CCSER1: variants seen among roughly 807,000 people sequenced by gnomAD.
CCSER1 encodes serine-rich coiled-coil domain-containing protein 1.
Under a neutral mutation model 82.0 loss-of-function variants are expected in CCSER1, and 41 were observed. That is an observed-to-expected ratio of 0.50 (90% CI 0.39 to 0.65). CCSER1 has a LOEUF of 0.65. Among genes scored for constraint, CCSER1 ranks in the 30% least tolerant of loss-of-function variants. The pLI is 0.00. For missense variants in CCSER1, 1,119 were observed against 1,064.2 expected (o/e 1.05, Z -0.72); for synonymous variants, 414 against 383.9 (o/e 1.08, Z -0.92).
intron 1 of CCSER1, among the ~76,000 whole-genome samples, chr4:90,294,339 C>T (rs888809559): frequency 2.0e-4 from 30 of 151,684 alleles, no homozygotes; most frequent in African/African-American, 7.0e-4. Context: ...AGCGAGACCC[C>T]GTTCTCCATA....
At chr4:90,536,807 A>G (rs899499134) in intron 5 of CCSER1, among the ~76,000 whole-genome samples, 7 of 152,138 alleles carry the variant, frequency 4.6e-5, no homozygotes, top group African/African-American at 1.2e-4. Context: ...GCTACCTTAC[A>G]TGGTTATTGT....
chr4:91,350,662 A>G (rs1198121811), intron 10 of CCSER1, among the ~76,000 whole-genome samples: 1 of 152,106 alleles, frequency 6.6e-6, no homozygotes, highest in African/African-American at 2.4e-5. Context: ...TGACTGCAGA[A>G]CGTTGATAGT....
At position 90,850,473 on chromosome 4, in the gene CCSER1, C is replaced by T. The variant is rs552414356; in HGVS notation, c.2094+34628C>T. Among the ~76,000 whole-genome samples, 253 of 152,340 alleles carry T rather than the reference C, an allele frequency of 1.7e-3. 1 individual carries two copies. Among genetic ancestry groups the T allele is most frequent in the Middle Eastern group, 6.8e-3 (2 of 294 alleles). On this transcript the variant is annotated intron_variant, in intron 8 of 10. Coordinates refer to ENST00000509176, the MANE Select transcript of CCSER1 (RefSeq NM_001145065.2). ...CCTTTATCCTGCAAATCTACAGGGG[C>T]GGAGCTGCCCAAGGCCATGGGAGCC...
intron 7 of CCSER1, chr4:90,780,500 A>G: frequency 3.7e-6 from 6 of 1,612,038 alleles, no homozygotes; most frequent in Non-Finnish European, 4.2e-6. Flanking sequence ...ATTGGGGTTC[A>G]GGAGGCCTAG....
intron 10 of CCSER1, among the ~76,000 whole-genome samples, chr4:91,595,095 G>A (rs1764504088): frequency 6.6e-6 from 1 of 150,830 alleles, no homozygotes; most frequent in African/African-American, 2.4e-5. Flanking sequence ...CAATACTATA[G>A]CCCTTCCCAG....
chr4:90,762,592 TA>T (rs1406773921), intron 7 of CCSER1, among the ~76,000 whole-genome samples: 6 of 152,140 alleles, frequency 3.9e-5, no homozygotes, highest in African/African-American at 1.4e-4. Flanking sequence ...CACTTACAAA[TA>T]AAACTTTGAT....
chr4:91,449,062 C>T (rs1202157367), intron 10 of CCSER1, among the ~76,000 whole-genome samples: 1 of 151,852 alleles, frequency 6.6e-6, no homozygotes, highest in Non-Finnish European at 1.5e-5. Flanking sequence ...AGGGAGTGGG[C>T]CATGTAGAAA....
intron 10 of CCSER1, among the ~76,000 whole-genome samples, chr4:91,151,261 G>C (rs977424068): frequency 6.6e-6 from 1 of 152,080 alleles, no homozygotes; most frequent in Non-Finnish European, 1.5e-5. Flanking sequence ...TTGCATAGAG[G>C]TGCTTATAGT....
chr4:90,485,227 C>A (rs549525717), intron 5 of CCSER1, among the ~76,000 whole-genome samples: 1 of 152,158 alleles, frequency 6.6e-6, no homozygotes, highest in Non-Finnish European at 1.5e-5. Context: ...GTTGGAAGAG[C>A]GCAGTATTAG....
intron 5 of CCSER1, among the ~76,000 whole-genome samples, chr4:90,521,743 T>A (rs1375881881): frequency 6.6e-6 from 1 of 152,158 alleles, no homozygotes; most frequent in Non-Finnish European, 1.5e-5. Context: ...AACTACTGAC[T>A]TATTTTCTTT....
chr4:90,474,399 A>G (rs1013936819), intron 5 of CCSER1, among the ~76,000 whole-genome samples: 4 of 152,202 alleles, frequency 2.6e-5, no homozygotes, highest in African/African-American at 9.6e-5. Context: ...AAGCCAAATC[A>G]TGTTAGCAGG....
intron 9 of CCSER1, among the ~76,000 whole-genome samples, chr4:91,009,309 C>A (rs553538480): frequency 1.3e-5 from 2 of 152,330 alleles, no homozygotes; most frequent in Admixed American, 1.3e-4. Context: ...ATATCCCGAT[C>A]ATTGTCCCTC....
chr4:91,333,269 A>G (rs886079706), intron 10 of CCSER1, among the ~76,000 whole-genome samples: 1 of 152,028 alleles, frequency 6.6e-6, no homozygotes, highest in African/African-American at 2.4e-5. Flanking sequence ...AGACAAAATG[A>G]CTTGTTTATC....
chr4:90,926,832 T>C (rs1388379891), intron 9 of CCSER1, among the ~76,000 whole-genome samples: 3 of 152,028 alleles, frequency 2.0e-5, no homozygotes. Flanking sequence ...CAAAGAATAA[T>C]TTCTTAGGTG....
At chr4:90,962,812 T>C (rs1734178548) in intron 9 of CCSER1, among the ~76,000 whole-genome samples, 2 of 152,144 alleles carry the variant, frequency 1.3e-5, no homozygotes, top group South Asian at 4.1e-4. Context: ...AGCCAGAGTG[T>C]GCATGTTTTT....
At chr4:91,580,039 G>C (rs1341009279) in intron 10 of CCSER1, among the ~76,000 whole-genome samples, 2 of 151,682 alleles carry the variant, frequency 1.3e-5, no homozygotes, top group African/African-American at 4.8e-5. Flanking sequence ...TTGCACATTG[G>C]GAATAATGGA....
At chr4:91,060,953 C>T (rs1215769913) in intron 9 of CCSER1, among the ~76,000 whole-genome samples, 1 of 151,898 alleles carries the variant, frequency 6.6e-6, no homozygotes, top group Non-Finnish European at 1.5e-5. Context: ...TTTTGATACA[C>T]GTATGTAAAA....
At chr4:90,719,731 C>T (rs1023457879) in intron 6 of CCSER1, among the ~76,000 whole-genome samples, 10 of 152,252 alleles carry the variant, frequency 6.6e-5, no homozygotes, top group African/African-American at 1.4e-4. Flanking sequence ...CATTATACAA[C>T]GTTCATGCTG....
chr4:90,686,719 A>G (rs540470653), intron 6 of CCSER1, among the ~76,000 whole-genome samples: 32 of 152,274 alleles, frequency 2.1e-4, no homozygotes, highest in Admixed American at 4.6e-4. Flanking sequence ...CCAAATGGGC[A>G]AGCATTTAGC....
Sources: allele counts gnomAD v4.1 joint callset (sites outside exome capture counted in the v4.1 genomes callset), GRCh38; gene constraint gnomAD v4.1.1; transcripts MANE v1.5; gene names NCBI Gene and HGNC (gene_info 2026-07-23, HGNC 2026-07-21).